The following ANO4 variants were observed in gnomAD, a reference collection of about 807,000 sequenced individuals.
ANO4 encodes anoctamin 4, also known as anoctamin-4.
A neutral mutation model predicts 141.9 loss-of-function variants in ANO4; 69 were observed. That is an observed-to-expected ratio of 0.49 (90% CI 0.40 to 0.59). The LOEUF is 0.59. ANO4 is among the 20% of genes least tolerant of loss of function. The probability of loss-of-function intolerance (pLI) is 0.00; values close to 1 mark genes in which losing one functional copy is unlikely to be tolerated. For synonymous variants in ANO4, 350 were observed against 394.3 expected, an observed-to-expected ratio of 0.89 and a Z score of 1.33; for missense variants, 894 against 1,162.2, an observed-to-expected ratio of 0.77 and a Z score of 3.36.
intron 14 of ANO4, chr12:101,067,133 G>T (rs2048628352): frequency 3.1e-6 from 1 of 325,476 alleles, no homozygotes; most frequent in East Asian, 6.6e-5. Flanking sequence ...TTTTATAATG[G>T]ATTGTGAAAA....
chr12:100,786,319 C>T (rs1050380980), intron 3 of ANO4, among the ~76,000 whole-genome samples: 17 of 152,090 alleles, frequency 1.1e-4, no homozygotes, highest in African/African-American at 4.1e-4. Context: ...TCTTTGGATG[C>T]ACTATAGCTA....
intron 1 of ANO4, among the ~76,000 whole-genome samples, chr12:100,894,855 A>C (rs1237539613): frequency 6.6e-6 from 1 of 151,016 alleles, no homozygotes; most frequent in East Asian, 2.0e-4. Context: ...AGTCCCAGCT[A>C]CTTGGGAGGC....
chr12:100,912,565 G>A (rs909637314), intron 2 of ANO4, among the ~76,000 whole-genome samples: 1 of 151,934 alleles, frequency 6.6e-6, no homozygotes, highest in African/African-American at 2.4e-5. Flanking sequence ...AACTTATTAT[G>A]GGTGTTTTTT....
chr12:100,903,726 T>C (rs767504849), intron 2 of ANO4, among the ~76,000 whole-genome samples: 4 of 152,206 alleles, frequency 2.6e-5, no homozygotes, highest in Non-Finnish European at 4.4e-5. Flanking sequence ...TCTTAAAAGC[T>C]TCAGCTCTGC....
intron 3 of ANO4, among the ~76,000 whole-genome samples, chr12:100,765,175 T>G (rs1183920617): frequency 6.6e-6 from 1 of 152,218 alleles, no homozygotes; most frequent in Non-Finnish European, 1.5e-5. Context: ...TCTTCATGAT[T>G]CAGTCTTGGT....
intron 1 of ANO4, among the ~76,000 whole-genome samples, chr12:100,851,980 C>T (rs889918355): frequency 5.3e-5 from 8 of 152,064 alleles, no homozygotes; most frequent in Non-Finnish European, 8.8e-5. Flanking sequence ...CAGAATAGGC[C>T]GGGGGCAGGA....
chr12:100,980,782 A>G (rs931080913), intron 7 of ANO4, among the ~76,000 whole-genome samples: 3 of 152,154 alleles, frequency 2.0e-5, no homozygotes, highest in Non-Finnish European at 4.4e-5. Flanking sequence ...CTTTTTATCC[A>G]TGTACTTGGT....
At chr12:101,085,879 T>C (rs1031829599) in intron 16 of ANO4, among the ~76,000 whole-genome samples, 1 of 152,214 alleles carries the variant, frequency 6.6e-6, no homozygotes, top group Non-Finnish European at 1.5e-5. Context: ...CTTATGGAGC[T>C]TACTTTCTAG....
At chr12:100,756,349 ATTAT>A (rs2032610743) in intron 3 of ANO4, among the ~76,000 whole-genome samples, 1 of 152,050 alleles carries the variant, frequency 6.6e-6, no homozygotes, top group African/African-American at 2.4e-5. Flanking sequence ...TGTATAGAAC[ATTAT>A]TTATTTTTAT....
intron 18 of ANO4, among the ~76,000 whole-genome samples, chr12:101,095,298 A>G (rs2049937568): frequency 6.7e-6 from 1 of 150,360 alleles, no homozygotes; most frequent in Non-Finnish European, 1.5e-5. Context: ...AAGATAGAAG[A>G]GGTTTATGTC....
At chr12:100,800,383 T>C (rs75805730) in intron 1 of ANO4, among the ~76,000 whole-genome samples, 1,816 of 152,228 alleles carry the variant, frequency 0.012, 26 homozygotes, top group African/African-American at 0.041. Flanking sequence ...CTTCATGGAG[T>C]TGGTTGTCTT....
chr12:100,814,786 C>T (rs1450175910), intron 1 of ANO4, among the ~76,000 whole-genome samples: 1 of 152,088 alleles, frequency 6.6e-6, no homozygotes, highest in African/African-American at 2.4e-5. Flanking sequence ...GAGAAGGGTA[C>T]TCCATCTTCA....
At chr12:100,826,215 C>T (rs1012385242) in intron 1 of ANO4, among the ~76,000 whole-genome samples, 2 of 151,694 alleles carry the variant, frequency 1.3e-5, no homozygotes, top group South Asian at 2.1e-4. Flanking sequence ...TTATGAAAGA[C>T]GGAAACATTC....
intron 8 of ANO4, among the ~76,000 whole-genome samples, chr12:101,014,415 G>A (rs2046231449): frequency 1.3e-5 from 2 of 152,266 alleles, no homozygotes; most frequent in East Asian, 3.9e-4. Context: ...CATAAAGGTC[G>A]AGCCTAGAGG....
intron 5 of ANO4, among the ~76,000 whole-genome samples, chr12:100,955,741 A>G (rs1321680703): frequency 1.3e-5 from 2 of 152,210 alleles, no homozygotes; most frequent in African/African-American, 4.8e-5. Flanking sequence ...GGGGAATTTC[A>G]TACTCTGCAG....
intron 1 of ANO4, among the ~76,000 whole-genome samples, chr12:100,822,077 T>C (rs1316037712): frequency 6.6e-6 from 1 of 151,856 alleles, no homozygotes; most frequent in Non-Finnish European, 1.5e-5. Flanking sequence ...AAATAGAATC[T>C]TACTTTACTC....
chr12:100,975,961 C>A (rs2044173185), intron 7 of ANO4, among the ~76,000 whole-genome samples: 4 of 148,610 alleles, frequency 2.7e-5, no homozygotes, highest in Non-Finnish European at 5.9e-5. Flanking sequence ...AAAAACCCAC[C>A]AGATGAAGAT....
chr12:100,959,433 C>T (rs1284652653), intron 5 of ANO4, among the ~76,000 whole-genome samples: 1 of 152,200 alleles, frequency 6.6e-6, no homozygotes, highest in Non-Finnish European at 1.5e-5. Context: ...CTAATGACCA[C>T]TCCGTTTCTC....
chr12:101,008,932 G>A lies in ANO4; in HGVS notation c.735-11102G>A, dbSNP rs540996656. ...ATTCTCTTTGTCTTTCACTTTTGTG[G>A]CATCTTCTGTTTCCTGTGTATCATT... On this transcript the variant is annotated intron_variant, in intron 8 of 27. Coordinates refer to ENST00000392977, the MANE Select transcript of ANO4 (RefSeq NM_001286615.2). 2.8e-3 allele frequency among the ~76,000 whole-genome samples: 432 copies of A among 152,076 alleles called. 4 individuals are homozygous for A. Among genetic ancestry groups the A allele is most frequent in the African/African-American group, 9.5e-3 (396 of 41,486 alleles).
Sources: allele counts gnomAD v4.1 joint callset (sites outside exome capture counted in the v4.1 genomes callset), GRCh38; gene constraint gnomAD v4.1.1; transcripts MANE v1.5; gene names NCBI Gene and HGNC (gene_info 2026-07-23, HGNC 2026-07-21).